The following BEND4 variants were observed in gnomAD, a reference collection of about 807,000 sequenced individuals.
BEND4 encodes BEN domain-containing protein 4.
Under a neutral mutation model 54.7 loss-of-function variants are expected in BEND4, and 27 were observed. That is an observed-to-expected ratio of 0.49 (90% CI 0.36 to 0.68). BEND4 has a LOEUF of 0.68. Among genes scored for constraint, BEND4 ranks in the 30% least tolerant of loss-of-function variants. The probability of loss-of-function intolerance (pLI) is 0.00; values close to 1 mark genes in which losing one functional copy is unlikely to be tolerated. For synonymous variants in BEND4, 327 were observed against 299.5 expected (o/e 1.09, Z -0.95); for missense variants, 702 against 697.2 (o/e 1.01, Z -0.08).
chr4:42,139,535 G>A (rs1020293027), intron 3 of BEND4, among the ~76,000 whole-genome samples: 16 of 148,152 alleles, frequency 1.1e-4, no homozygotes, highest in Middle Eastern at 3.4e-3. Context: ...TGATAGGCTT[G>A]TTTATTTTTA....
At chr4:42,145,929 G>A (rs1721066996) in intron 2 of BEND4, among the ~76,000 whole-genome samples, 1 of 152,292 alleles carries the variant, frequency 6.6e-6, no homozygotes, top group South Asian at 2.1e-4. Flanking sequence ...ACATACATAA[G>A]AGCATCTTAG....
At chr4:42,131,636 C>T (rs971059798) in intron 3 of BEND4, among the ~76,000 whole-genome samples, 3 of 152,092 alleles carry the variant, frequency 2.0e-5, no homozygotes, top group Admixed American at 6.6e-5. Context: ...TGACCCAAGC[C>T]GGTGGATGCA....
chr4:42,123,702 A>AACAAAAAAAACAAAAAC (rs71200210), intron 4 of BEND4, among the ~76,000 whole-genome samples: 1 of 144,478 alleles, frequency 6.9e-6, no homozygotes, highest in Non-Finnish European at 1.5e-5. Context: ...CAGAAAAAAA[A>AACAAAAAAAACAAAAAC]AAAAAAAAAA....
chr4:42,132,594 G>A (rs1455055149), intron 3 of BEND4, among the ~76,000 whole-genome samples: 6 of 152,010 alleles, frequency 3.9e-5, no homozygotes, highest in African/African-American at 7.2e-5. Context: ...ACAGGCGTCC[G>A]CCACCATGCC....
At chr4:42,151,561 C>G in intron 2 of BEND4, 96 bp downstream of exon 2, 1 of 1,290,626 alleles carries the variant, frequency 7.7e-7, no homozygotes, top group Non-Finnish European at 1.0e-6. Flanking sequence ...CGGCCCAGCA[C>G]GGGTAAGTGT....
At chr4:42,127,075 AT>A (rs918215953) in intron 3 of BEND4, among the ~76,000 whole-genome samples, 20 of 151,872 alleles carry the variant, frequency 1.3e-4, no homozygotes, top group Non-Finnish European at 2.2e-4. Flanking sequence ...TTTCTCACCC[AT>A]TTTTTTTAAG....
At position 42,143,507 on chromosome 4, in the gene BEND4, T is replaced by G; in HGVS notation, c.975A>C (p.Arg325=). The G allele has an allele frequency of 1.3e-6, 2 of 1,552,696 alleles. No homozygotes were observed. Among genetic ancestry groups the G allele is most frequent in the Non-Finnish European group, 1.7e-6 (2 of 1,147,356 alleles). The change falls in exon 3 of 6, where the codon CGA becomes CGC. Residue 325 remains arginine (R), a synonymous_variant. Coordinates refer to ENST00000502486, the MANE Select transcript of BEND4 (RefSeq NM_207406.4). ...EEEDEEGYCP[R]CQELEQEVIS... is the part of the protein sequence containing the mutation. ...TAACCTCCTGCTCCAGCTCTTGGCA[T>G]CGAGGACAATAGCCTTCCTCGTCCT...
Position 42,151,773 on chromosome 4 carries a change from G to A in BEND4, c.371C>T (p.Pro124Leu), listed in dbSNP as rs763042153. 9.7e-5 allele frequency: 145 copies of A among 1,496,284 alleles called. No homozygotes were observed. In the South Asian group the frequency reaches 1.1e-3, roughly 12 times the overall value. 92.7% of individuals were successfully genotyped at this position (1,496,284 alleles called of 1,614,324 possible). A position where few individuals can be genotyped will look rare whatever the true frequency, so the allele number is the denominator to read the frequency against. ...GAACGAAGACGACGAGGAGGCGGCGGGGGACGCGGGCGGCGGCTGCGCCGG... is the reference window on the plus strand; with the variant it reads ...GAACGAAGACGACGAGGAGGCGGCGAGGGACGCGGGCGGCGGCTGCGCCGG... ...RTPAQPPPASPAASSSSSFAA... is the reference protein window; with the variant it reads ...RTPAQPPPASLAASSSSSFAA... Residue 124 changes from proline to leucine, a missense_variant, in exon 2 of 6, where the codon CCC becomes CTC. By Grantham distance (98) the Pro-to-Leu change is moderately conservative. Transcript: ENST00000502486.
intron 4 of BEND4, among the ~76,000 whole-genome samples, chr4:42,122,653 C>T (rs1286848474): frequency 6.6e-6 from 1 of 152,200 alleles, no homozygotes; most frequent in Non-Finnish European, 1.5e-5. Flanking sequence ...AAAAATGAGA[C>T]GTGCACCATC....
intron 3 of BEND4, among the ~76,000 whole-genome samples, chr4:42,135,219 G>T (rs1276501557): frequency 6.6e-6 from 1 of 152,166 alleles, no homozygotes; most frequent in Non-Finnish European, 1.5e-5. Flanking sequence ...GCACCCAGAA[G>T]AACGGAGGCT....
At chr4:42,131,109 T>C (rs1026869054) in intron 3 of BEND4, among the ~76,000 whole-genome samples, 4 of 152,214 alleles carry the variant, frequency 2.6e-5, no homozygotes, top group Non-Finnish European at 4.4e-5. Context: ...AAACAGCTAA[T>C]GCAGGCTGAG....
At chr4:42,145,547 C>G (rs1328601396) in intron 2 of BEND4, among the ~76,000 whole-genome samples, 1 of 152,000 alleles carries the variant, frequency 6.6e-6, no homozygotes, top group East Asian at 1.9e-4. Context: ...CAAAAATTAG[C>G]TGGACATGGT....
chr4:42,150,056 G>A (rs1721210240), intron 2 of BEND4, among the ~76,000 whole-genome samples: 1 of 152,046 alleles, frequency 6.6e-6, no homozygotes, highest in Non-Finnish European at 1.5e-5. Context: ...CAGAAAATGG[G>A]AAAAGGACCC....
chr4:42,149,153 C>T (rs1005226857), intron 2 of BEND4, among the ~76,000 whole-genome samples: 18 of 152,226 alleles, frequency 1.2e-4, no homozygotes, highest in African/African-American at 4.3e-4. Flanking sequence ...ACAGCAATTA[C>T]ACTTCTGCGA....
At chr4:42,124,720 T>G (rs564444184) in intron 4 of BEND4, among the ~76,000 whole-genome samples, 5 of 152,188 alleles carry the variant, frequency 3.3e-5, no homozygotes, top group Admixed American at 6.5e-5. Flanking sequence ...TAGACCAGCT[T>G]TTCAAATGTT....
At chr4:42,126,377 TAA>T (rs1406351252) in intron 3 of BEND4, among the ~76,000 whole-genome samples, 9 of 151,632 alleles carry the variant, frequency 5.9e-5, no homozygotes, top group Admixed American at 1.3e-4. Flanking sequence ...ATCAATAATA[TAA>T]GTGTTTCTAA....
chr4:42,144,289 G>A (rs555272008), intron 2 of BEND4, among the ~76,000 whole-genome samples: 2 of 152,258 alleles, frequency 1.3e-5, no homozygotes, highest in South Asian at 2.1e-4. Context: ...TGGCTGCACA[G>A]GTCTGAACTC....
At chr4:42,148,060 CCTA>C (rs1373970936) in intron 2 of BEND4, among the ~76,000 whole-genome samples, 1 of 152,020 alleles carries the variant, frequency 6.6e-6, no homozygotes, top group Non-Finnish European at 1.5e-5. Flanking sequence ...TTTTTAGTGA[CCTA>C]CTATCATGTA....
At chr4:42,138,922 G>A (rs1232831935) in intron 3 of BEND4, among the ~76,000 whole-genome samples, 1 of 152,082 alleles carries the variant, frequency 6.6e-6, no homozygotes, top group Non-Finnish European at 1.5e-5. Context: ...TTTCTTCTTA[G>A]TGGAACATAA....
Sources: gnomAD v4.1 joint callset for allele counts (sites outside exome capture counted in the v4.1 genomes callset) on GRCh38, gnomAD v4.1.1 for gene constraint, MANE v1.5 for transcripts, NCBI Gene and HGNC (gene_info 2026-07-23, HGNC 2026-07-21) for gene names.